The following RBPJ variants were observed in gnomAD, a reference collection of about 807,000 sequenced individuals.
RBPJ encodes recombination signal binding protein for immunoglobulin kappa J region.
In RBPJ, 9 loss-of-function variants were observed where a neutral mutation model predicts 67.8. That is an observed-to-expected ratio of 0.13 (90% CI 0.08 to 0.23). The LOEUF is 0.23. Among genes scored for constraint, RBPJ ranks in the 10% least tolerant of loss-of-function variants. The pLI, the probability that RBPJ is intolerant of heterozygous loss-of-function variation, is 1.00. For synonymous variants in RBPJ, 198 were observed against 203.3 expected (o/e 0.97, Z 0.22); for missense variants, 305 against 595.6 (o/e 0.51, Z 5.08).
intron 1 of RBPJ, among the ~76,000 whole-genome samples, chr4:26,339,349 G>A (rs192385625): frequency 8.4e-4 from 127 of 151,894 alleles, no homozygotes; most frequent in African/African-American, 2.2e-3. Flanking sequence ...TTTCAATTTC[G>A]TTGTTAACAG....
chr4:26,150,137 C>T, the RBPJ span, among the ~76,000 whole-genome samples: 1 of 152,214 alleles, frequency 6.6e-6, no homozygotes, highest in Non-Finnish European at 1.5e-5. Context: ...TTCCATTTCA[C>T]AAACAGGCCC....
chr4:26,185,402 C>T (rs1419132885), intron 1 of RBPJ, among the ~76,000 whole-genome samples: 1 of 152,100 alleles, frequency 6.6e-6, no homozygotes, highest in Non-Finnish European at 1.5e-5. Context: ...ACACCACGGT[C>T]AGGGTAATGC....
At chr4:26,127,453 C>A in the RBPJ span, among the ~76,000 whole-genome samples, 1 of 152,134 alleles carries the variant, frequency 6.6e-6, no homozygotes, top group Non-Finnish European at 1.5e-5. Context: ...CCAGCCTCAC[C>A]AGTTTGACAG....
intron 1 of RBPJ, among the ~76,000 whole-genome samples, chr4:26,204,400 G>A (rs926640590): frequency 6.6e-6 from 1 of 151,236 alleles, no homozygotes; most frequent in African/African-American, 2.4e-5. Flanking sequence ...GCTCAGTAAA[G>A]GCTGTCAGAG....
chr4:26,387,041 T>C (rs964592743), intron 2 of RBPJ, among the ~76,000 whole-genome samples: 1 of 152,170 alleles, frequency 6.6e-6, no homozygotes, highest in Admixed American at 6.5e-5. Context: ...TCCTTTTTCT[T>C]CATAAACTCA....
chr4:26,226,921 T>TCAAAGACACAGAACTG (rs1227479146), intron 1 of RBPJ, among the ~76,000 whole-genome samples: 1 of 152,154 alleles, frequency 6.6e-6, no homozygotes, highest in Admixed American at 6.5e-5. Context: ...GGAAGGCACT[T>TCAAAGACACAGAACTG]CAAAGACACA....
At chr4:26,195,536 A>G (rs963087283) in intron 1 of RBPJ, among the ~76,000 whole-genome samples, 1 of 152,200 alleles carries the variant, frequency 6.6e-6, no homozygotes, top group African/African-American at 2.4e-5. Context: ...TTTCTCAGAC[A>G]AAATAACTAA....
chr4:26,413,452 A>G (rs953214937), intron 3 of RBPJ, among the ~76,000 whole-genome samples: 2 of 152,094 alleles, frequency 1.3e-5, no homozygotes, highest in Admixed American at 1.3e-4. Flanking sequence ...CTCTCCTATT[A>G]GAGTGTAAGT....
At chr4:26,290,876 A>G (rs906317503) in intron 1 of RBPJ, among the ~76,000 whole-genome samples, 1 of 151,038 alleles carries the variant, frequency 6.6e-6, no homozygotes, top group African/African-American at 2.4e-5. Context: ...AATGAAATAC[A>G]TAAAGATTAA....
intron 1 of RBPJ, among the ~76,000 whole-genome samples, chr4:26,346,482 G>C (rs1726163198): frequency 6.6e-6 from 1 of 152,184 alleles, no homozygotes; most frequent in Admixed American, 6.5e-5. Context: ...GGCTGACAAA[G>C]AGAAGGGAAG....
chr4:26,300,588 C>A (rs1194495290), intron 1 of RBPJ, among the ~76,000 whole-genome samples: 1 of 152,204 alleles, frequency 6.6e-6, no homozygotes, highest in Non-Finnish European at 1.5e-5. Flanking sequence ...TAGAAGTCCG[C>A]CTCCCTCCCT....
intron 1 of RBPJ, among the ~76,000 whole-genome samples, chr4:26,196,576 T>G (rs186511992): frequency 6.6e-6 from 1 of 152,330 alleles, no homozygotes; most frequent in East Asian, 1.9e-4. Flanking sequence ...ATTCGATAGA[T>G]CTGCACAGTC....
intron 1 of RBPJ, among the ~76,000 whole-genome samples, chr4:26,186,178 TC>T (rs1207654210): frequency 9.3e-6 from 1 of 107,510 alleles, no homozygotes; most frequent in Non-Finnish European, 1.9e-5. Context: ...TTCTTTCTGC[TC>T]CCCCCTTTTT....
chr4:26,353,903 TG>T (rs1249688612), intron 1 of RBPJ, among the ~76,000 whole-genome samples: 1 of 149,452 alleles, frequency 6.7e-6, no homozygotes, highest in African/African-American at 2.5e-5. Flanking sequence ...TAAGCTACTG[TG>T]CCCTGCCACA....
At chr4:26,135,032 A>G in the RBPJ span, among the ~76,000 whole-genome samples, 1 of 152,140 alleles carries the variant, frequency 6.6e-6, no homozygotes, top group Non-Finnish European at 1.5e-5. Context: ...TGAAGTCCCC[A>G]GGGTAGGCCT....
At chr4:26,260,786 G>T (rs535273632) in intron 1 of RBPJ, among the ~76,000 whole-genome samples, 2 of 152,088 alleles carry the variant, frequency 1.3e-5, no homozygotes, top group South Asian at 4.2e-4. Flanking sequence ...TTTTCTCAAG[G>T]CCCCACTCAA....
intron 1 of RBPJ, among the ~76,000 whole-genome samples, chr4:26,371,673 A>G (rs1387845875): frequency 2.0e-5 from 3 of 152,116 alleles, no homozygotes; most frequent in Admixed American, 6.5e-5. Flanking sequence ...ACCTTATGCT[A>G]TTGCTTCATA....
intron 1 of RBPJ, among the ~76,000 whole-genome samples, chr4:26,379,956 A>G (rs1730146545): frequency 6.6e-6 from 1 of 152,068 alleles, no homozygotes; most frequent in African/African-American, 2.4e-5. Flanking sequence ...TGCTTTGATC[A>G]CCTTTGTTAG....
the RBPJ span, among the ~76,000 whole-genome samples, chr4:26,150,980 AT>A: frequency 6.6e-6 from 1 of 152,230 alleles, no homozygotes; most frequent in African/African-American, 2.4e-5. Flanking sequence ...AATGGAAAAC[AT>A]GTTCCCCTAT....
Sources: allele counts gnomAD v4.1 joint callset (sites outside exome capture counted in the v4.1 genomes callset), GRCh38; gene constraint gnomAD v4.1.1; transcripts MANE v1.5; gene names NCBI Gene and HGNC (gene_info 2026-07-23, HGNC 2026-07-21).